The following TMEM216 variants were observed in gnomAD, a reference collection of about 807,000 sequenced individuals.
TMEM216 encodes transmembrane protein 216.
In TMEM216, 15 loss-of-function variants were observed where a neutral mutation model predicts 17.8. The observed-to-expected ratio is 0.84, with a 90% CI of 0.56 to 1.30. TMEM216 has a LOEUF of 1.30. Among genes scored for constraint, TMEM216 ranks in the 50% most tolerant of loss-of-function variants. The pLI is 0.00. For missense variants in TMEM216, 160 were observed against 175.7 expected (o/e 0.91, Z 0.51); for synonymous variants, 58 against 73.5 (o/e 0.79, Z 1.08).
intron 2 of TMEM216, 98 bp downstream of exon 2, chr11:61,393,430 C>T: frequency 2.3e-6 from 2 of 869,758 alleles, no homozygotes; most frequent in South Asian, 1.5e-5. Context: ...TCTTTTCTGC[C>T]CCCTGCAGTT....
Position 61,393,246 on chromosome 11 carries a change from C to T in TMEM216, c.50C>T (p.Ser17Phe). 1 of 1,535,886 alleles carries T rather than the reference C, an allele frequency of 6.5e-7. No individual in the cohort carries two copies. ...CCTTTTTCAGGTAAACGGTTGTCCT[C>T]CACCCCGCTGGAAATCCTGTTCTTT... is the stretch of plus-strand genomic sequence containing the variant. Reference protein sequence around the residue: ...KMAPRGKRLSSTPLEILFFLN... With the variant: ...KMAPRGKRLSFTPLEILFFLN... The change falls in exon 2 of 5, where the codon TCC (serine) becomes TTC (phenylalanine). Residue 17 changes from serine to phenylalanine, a missense_variant. Ser to Phe is a radical substitution (Grantham distance 155). Transcript: ENST00000515837.
Position 61,397,982 on chromosome 11 carries a change from C to T in TMEM216, c.431+7C>T, listed in dbSNP as rs976039770. 5.0e-6 allele frequency: 8 copies of T among 1,613,126 alleles called. No homozygotes were observed. The highest frequency in any genetic ancestry group is 6.8e-6 in the Non-Finnish European group (8 of 1,179,774). ...CCTTGGCTGCTTTCTCCAGGTACTGCTGCTGAGGGACCATTTCTCATCACT... is the reference window on the plus strand; with the variant it reads ...CCTTGGCTGCTTTCTCCAGGTACTGTTGCTGAGGGACCATTTCTCATCACT... On this transcript the variant is annotated splice_region_variant and intron_variant, in intron 4 of 4. Transcript: ENST00000515837.
Position 61,398,545 on chromosome 11 carries a change from C to T in TMEM216, c.*269C>T, listed in dbSNP as rs140857100. On this transcript the variant is annotated 3_prime_UTR_variant, in exon 5 of 5. Transcript: ENST00000515837. ...CATCCTGCCCCTTCTCAGAACCAGTCCCCTGCTGACCTCAAGTTCTCCTCC... is the reference window on the plus strand; with the variant it reads ...CATCCTGCCCCTTCTCAGAACCAGTTCCCTGCTGACCTCAAGTTCTCCTCC... 2.0e-6 allele frequency: 1 copy of T among 499,754 alleles called. No individual in the cohort carries two copies. Among genetic ancestry groups the T allele is most frequent in the African/African-American group, 1.9e-5 (1 of 52,506 alleles). The allele number at this position is 499,754 out of a possible 1,614,324, so 31.0% of individuals were successfully genotyped here.
intron 3 of TMEM216, among the ~76,000 whole-genome samples, chr11:61,396,411 G>A (rs956749126): frequency 3.9e-5 from 6 of 152,064 alleles, no homozygotes; most frequent in Admixed American, 1.3e-4. Context: ...CCCGGGAGGC[G>A]GAAGTTGCAG....
chr11:61,393,061 A>C (rs1272540487), intron 1 of TMEM216, among the ~76,000 whole-genome samples, 170 bp from the exon 2 acceptor site: 1 of 144,004 alleles, frequency 6.9e-6, no homozygotes, highest in African/African-American at 2.6e-5. Context: ...AGCCCCCTCC[A>C]CTCCCACCCC....
At chr11:61,396,104 CTG>C (rs777502456) in intron 3 of TMEM216, among the ~76,000 whole-genome samples, 3 of 152,202 alleles carry the variant, frequency 2.0e-5, no homozygotes, top group Non-Finnish European at 4.4e-5. Context: ...CATCAAAACA[CTG>C]TAAACAAACT....
chr11:61,396,958 A>G (rs1453714553), intron 3 of TMEM216, among the ~76,000 whole-genome samples: 1 of 151,718 alleles, frequency 6.6e-6, no homozygotes, highest in African/African-American at 2.4e-5. Flanking sequence ...TAAGGTAGCT[A>G]TGTGTGTGGA....
At chr11:61,396,547 C>A (rs1223088936) in intron 3 of TMEM216, among the ~76,000 whole-genome samples, 1 of 152,076 alleles carries the variant, frequency 6.6e-6, no homozygotes, top group Non-Finnish European at 1.5e-5. Flanking sequence ...AATCTTAGCA[C>A]TGTGGGAGGC....
chr11:61,392,853 A>G, intron 1 of TMEM216, 188 bp downstream of exon 1: 1 of 985,356 alleles, frequency 1.0e-6, no homozygotes, highest in Non-Finnish European at 1.2e-6. Context: ...TGCACAGCTC[A>G]AATAAACGCA....
rs1339923552 is a variant in TMEM216 at position 61,393,982 on chromosome 11, T to A, written c.229+6T>A. ...AGTAATTCGCCTGTTTTTTGGTAAG[T>A]GTTGTCCAGAGAATATTTCCACTCC... On this transcript the variant is annotated splice_donor_region_variant and intron_variant, in intron 3 of 4. Coordinates refer to ENST00000515837, the MANE Select transcript of TMEM216 (RefSeq NM_001173990.3). 1.2e-6 allele frequency: 2 copies of A among 1,613,282 alleles called. No homozygotes were observed. The highest frequency in any genetic ancestry group is 2.7e-5 in the African/African-American group (2 of 74,926).
At chr11:61,398,064 G>A in intron 4 of TMEM216, 89 bp downstream of exon 4, 1 of 1,525,500 alleles carries the variant, frequency 6.6e-7, no homozygotes, top group South Asian at 1.1e-5. Flanking sequence ...AGCCTAAGGG[G>A]TCTAGAAGAC....
chr11:61,397,714 T>G, intron 3 of TMEM216, 60 bp from the exon 4 acceptor site: 1 of 1,530,068 alleles, frequency 6.5e-7, no homozygotes, highest in Non-Finnish European at 9.0e-7. Context: ...TCCCACGCCT[T>G]TCCCCTGGGC....
rs1222630329 is a variant in TMEM216, at chr11:61,398,315, C to T, written c.*39C>T. The T allele has an allele frequency of 6.2e-7, 1 of 1,605,360 alleles. No individual in the cohort carries two copies. The highest frequency in any genetic ancestry group is 8.5e-7 in the Non-Finnish European group (1 of 1,173,848). ...AGCCAGCAGCCCATCAGGCTGACAC[C>T]ACACATATTGCTTCTGGTACTTTAG... On this transcript the variant is annotated 3_prime_UTR_variant, in exon 5 of 5. Transcript: ENST00000515837.
intron 2 of TMEM216, 73 bp downstream of exon 2, chr11:61,393,405 C>T (rs1332373778): frequency 3.6e-6 from 4 of 1,109,752 alleles, no homozygotes; most frequent in African/African-American, 1.6e-5. Context: ...TACCAAGAAC[C>T]TTCTTATTTT....
chr11:61,396,957 T>C (rs59271124), intron 3 of TMEM216, among the ~76,000 whole-genome samples: 18,399 of 151,148 alleles, frequency 0.12, 3,406 homozygotes, highest in African/African-American at 0.4. Context: ...TTAAGGTAGC[T>C]ATGTGTGTGG....
chr11:61,396,563 C>T (rs560580115), intron 3 of TMEM216, among the ~76,000 whole-genome samples: 9 of 152,082 alleles, frequency 5.9e-5, no homozygotes, highest in African/African-American at 4.8e-5. Context: ...GAGGCCGAGG[C>T]GAACGGATTG....
chr11:61,398,566 C>T lies in TMEM216; in HGVS notation c.*290C>T. 2.2e-6 allele frequency: 1 copy of T among 464,406 alleles called. No homozygotes were observed. Among genetic ancestry groups the T allele is most frequent in the Non-Finnish European group, 3.8e-6 (1 of 259,766 alleles). 28.8% of individuals were successfully genotyped at this position (464,406 alleles called of 1,614,324 possible). On this transcript the variant is annotated 3_prime_UTR_variant, in exon 5 of 5. Transcript: ENST00000515837. ...CAGTCCCCTGCTGACCTCAAGTTCT[C>T]CTCCTTGATCACCGTGGCCAGAGCA...
rs1235856841 is a variant in TMEM216 at position 61,393,213 on chromosome 11, T to A, written c.35-18T>A. ...GCTGCCTTCCGGCCCATCCCACTTCTCTGTGCTCCTTTTTCAGGTAAACGG... is the reference window on the plus strand; with the variant it reads ...GCTGCCTTCCGGCCCATCCCACTTCACTGTGCTCCTTTTTCAGGTAAACGG... On this transcript the variant is annotated intron_variant, in intron 1 of 4. Coordinates refer to ENST00000515837, the MANE Select transcript of TMEM216 (RefSeq NM_001173990.3). 6.5e-7 allele frequency: 1 copy of A among 1,529,956 alleles called. No individual in the cohort carries two copies. The allele number at this position is 1,529,956 out of a possible 1,614,324, so 94.8% of individuals were successfully genotyped here.
In TMEM216 at chr11:61,393,961, A is replaced by G; in HGVS notation, c.214A>G (p.Ile72Val). 1.2e-6 allele frequency: 2 copies of G among 1,613,962 alleles called. No homozygotes were observed. The highest frequency in any genetic ancestry group is 1.7e-4 in the Middle Eastern group (1 of 6,060). ...MLLLYLGIEVIRLFFGTKGNL... is the reference protein window; with the variant it reads ...MLLLYLGIEVVRLFFGTKGNL... ...CCTCCTTTATCTTGGAATTGAAGTA[A>G]TTCGCCTGTTTTTTGGTAAGTGTTG... The change falls in exon 3 of 5, where the codon ATT (isoleucine) becomes GTT (valine). Residue 72 changes from isoleucine to valine, a missense_variant. Coordinates refer to ENST00000515837, the MANE Select transcript of TMEM216 (RefSeq NM_001173990.3).
Sources: allele counts gnomAD v4.1 joint callset (sites outside exome capture counted in the v4.1 genomes callset), GRCh38; gene constraint gnomAD v4.1.1; transcripts MANE v1.5; gene names NCBI Gene and HGNC (gene_info 2026-07-23, HGNC 2026-07-21).